Variants in ASXL2 observed in about 807,000 individuals in gnomAD.
ASXL2 encodes putative Polycomb group protein ASXL2.
A neutral mutation model predicts 122.0 loss-of-function variants in ASXL2; 23 were observed. The ratio of observed to expected loss-of-function variants is 0.19; its 90% CI spans 0.14 to 0.27. The LOEUF (loss-of-function observed/expected upper bound fraction) is 0.27. Among genes scored for constraint, ASXL2 ranks in the 10% least tolerant of loss-of-function variants. The pLI is 1.00. For missense variants in ASXL2, 1,518 were observed against 1,713.8 expected, an observed-to-expected ratio of 0.89 and a Z score of 2.02; for synonymous variants, 650 against 637.0, an observed-to-expected ratio of 1.02 and a Z score of -0.31.
At position 25,742,483 on chromosome 2, in the gene ASXL2, C is replaced by A; in HGVS notation, c.3854G>T (p.Ser1285Ile). 1 of 1,613,754 alleles carries A rather than the reference C, an allele frequency of 6.2e-7. No individual in the cohort carries two copies. The highest frequency in any genetic ancestry group is 1.7e-5 in the Admixed American group (1 of 60,002). ...HAVRGKAIRS[S>I]PELFSSTVLP... Reference sequence around the variant, plus strand: ...AACAGTAGAACTGAAAAGCTCGGGGCTGCTACGGATTGCCTTACCTCTCAC... The same window carrying A: ...AACAGTAGAACTGAAAAGCTCGGGGATGCTACGGATTGCCTTACCTCTCAC... The change falls in exon 13 of 13, where the codon AGC (serine) becomes ATC (isoleucine). Residue 1285 changes from serine (S) to isoleucine (I), a missense_variant. By Grantham distance (142) the Ser-to-Ile change is moderately radical (BLOSUM62 -2). Around this residue, in one of 8 missense-constraint regions of ASXL2, gnomAD observed 831 missense variants for 833.1 expected, o/e 1.00. Coordinates refer to ENST00000435504, the MANE Select transcript of ASXL2 (RefSeq NM_018263.6).
At chr2:25,774,056 T>A (rs1168924789) in intron 5 of ASXL2, among the ~76,000 whole-genome samples, 3 of 151,644 alleles carry the variant, frequency 2.0e-5, no homozygotes, top group Non-Finnish European at 2.9e-5. Context: ...TATATATATA[T>A]AATTCATATA....
intron 3 of ASXL2, among the ~76,000 whole-genome samples, chr2:25,812,501 C>T (rs891932534): frequency 2.6e-5 from 4 of 152,070 alleles, no homozygotes; most frequent in African/African-American, 9.7e-5. Flanking sequence ...TTGATAAAAT[C>T]CATTGCTGAC....
intron 1 of ASXL2, among the ~76,000 whole-genome samples, chr2:25,873,749 AT>A (rs796848014): frequency 4.8e-4 from 70 of 146,150 alleles, no homozygotes; most frequent in Non-Finnish European, 4.7e-4. Flanking sequence ...TGTTTCTCAT[AT>A]TTTTTTTTTT....
chr2:25,818,024 C>T (rs1574431652), intron 3 of ASXL2, among the ~76,000 whole-genome samples: 1 of 152,196 alleles, frequency 6.6e-6, no homozygotes, highest in African/African-American at 2.4e-5. Context: ...TAGCTCTTCA[C>T]TTAAAACACA....
At chr2:25,865,877 G>A (rs1159629593) in intron 1 of ASXL2, among the ~76,000 whole-genome samples, 2 of 151,250 alleles carry the variant, frequency 1.3e-5, no homozygotes, top group Non-Finnish European at 2.9e-5. Flanking sequence ...CATCACAATG[G>A]TCTTAACTCC....
At chr2:25,808,449 AGCCTCCCATGTAGCTGGGATT>A (rs1437994992) in intron 3 of ASXL2, among the ~76,000 whole-genome samples, 1 of 152,168 alleles carries the variant, frequency 6.6e-6, no homozygotes, top group Non-Finnish European at 1.5e-5. Flanking sequence ...TCTCATGCTC[AGCCTCCCATGTAGCTGGGATT>A]GCAGATGCCT....
At chr2:25,830,832 T>G (rs948307833) in intron 3 of ASXL2, 1 of 151,358 alleles carries the variant, frequency 6.6e-6, no homozygotes, top group Non-Finnish European at 1.5e-5. Context: ...AGTAAGAGAG[T>G]GGAGACAACA....
chr2:25,812,886 A>G (rs1305776152), intron 3 of ASXL2, among the ~76,000 whole-genome samples: 2 of 152,224 alleles, frequency 1.3e-5, no homozygotes, highest in Non-Finnish European at 2.9e-5. Context: ...TTTAGTCCTC[A>G]CAACAATCTA....
At chr2:25,751,788 C>CT (rs796171724) in intron 11 of ASXL2, among the ~76,000 whole-genome samples, 94 of 147,182 alleles carry the variant, frequency 6.4e-4, no homozygotes, top group African/African-American at 1.2e-3. Context: ...TTATAGAACT[C>CT]TTTTTTTTTT....
rs536348258 is a variant in ASXL2 at position 25,862,441 on chromosome 2, A to C, written c.57+15725T>G. ...TCTCCAACCACTTAATCCATCTTTAATACATTAGACGGCCAAGATCTAAAT... is the reference window on the plus strand; with the variant it reads ...TCTCCAACCACTTAATCCATCTTTACTACATTAGACGGCCAAGATCTAAAT... On this transcript the variant is annotated intron_variant, in intron 1 of 12. Coordinates refer to ENST00000435504, the MANE Select transcript of ASXL2 (RefSeq NM_018263.6). Among the ~76,000 whole-genome samples, 3 of 152,356 alleles carry C rather than the reference A, an allele frequency of 2.0e-5. No homozygotes were observed. The South Asian group carries it at 6.2e-4, about 32-fold the overall frequency.
Position 25,736,941 on chromosome 2 carries a change from T to C in ASXL2, c.*5088A>G, listed in dbSNP as rs1245427082. On this transcript the variant is annotated 3_prime_UTR_variant, in exon 13 of 13. Transcript: ENST00000435504. ...CATATCCTAAAATCAAGTATTTACT[T>C]TGCAGCCACAAAATGAGTTCTCGTG... 6.6e-6 allele frequency: 1 copy of C among 152,190 alleles called. No individual in the cohort carries two copies. Among genetic ancestry groups the C allele is most frequent in the Non-Finnish European group, 1.5e-5 (1 of 68,036 alleles). 9.4% of individuals were successfully genotyped at this position (152,190 alleles called of 1,614,324 possible). A position where few individuals can be genotyped will look rare whatever the true frequency, so the allele number is the denominator to read the frequency against.
intron 1 of ASXL2, among the ~76,000 whole-genome samples, chr2:25,857,530 C>G (rs915303093): frequency 6.6e-6 from 1 of 152,182 alleles, no homozygotes; most frequent in South Asian, 2.1e-4. Context: ...CCTCATCATT[C>G]CTAGACTAAG....
intron 5 of ASXL2, among the ~76,000 whole-genome samples, chr2:25,774,042 A>AATAT (rs932073501): frequency 1.3e-5 from 2 of 150,868 alleles, no homozygotes; most frequent in African/African-American, 2.4e-5. Context: ...AAGAAAAAAT[A>AATAT]ATATATATAT....
chr2:25,855,933 G>A (rs1477803199), intron 1 of ASXL2, among the ~76,000 whole-genome samples: 13 of 143,922 alleles, frequency 9.0e-5, no homozygotes, highest in Non-Finnish European at 2.0e-4. Flanking sequence ...TCGCTCTGTC[G>A]GCCAGGCTGC....
intron 2 of ASXL2, among the ~76,000 whole-genome samples, chr2:25,843,758 T>C (rs1000978416): frequency 7.0e-6 from 1 of 142,054 alleles, no homozygotes; most frequent in African/African-American, 2.7e-5. Context: ...ACCATGATCA[T>C]GGCTGTGAAC....
At chr2:25,793,519 C>T (rs2149168379) in intron 5 of ASXL2, among the ~76,000 whole-genome samples, 1 of 152,080 alleles carries the variant, frequency 6.6e-6, no homozygotes, top group African/African-American at 2.4e-5. Flanking sequence ...TTATTTTCTC[C>T]CAAAGACATT....
intron 3 of ASXL2, among the ~76,000 whole-genome samples, chr2:25,832,898 AG>A (rs1251883082): frequency 3.3e-5 from 5 of 152,240 alleles, no homozygotes; most frequent in Non-Finnish European, 5.9e-5. Flanking sequence ...AGGACTCTCC[AG>A]AGACATACAA....
rs755005360 is a variant in ASXL2, at chr2:25,749,817, C to T, written c.1739G>A (p.Ser580Asn). The T allele has an allele frequency of 1.9e-6, 3 of 1,610,368 alleles. No homozygotes were observed. Among genetic ancestry groups the T allele is most frequent in the Non-Finnish European group, 1.7e-6 (2 of 1,178,918 alleles). ...AGTGACACGTGGCCTCTTCTCCCAG[C>T]TCACAGGGGCCTCTTCTTGGGTGAG... Reference protein sequence around the residue: ...SSLTQEEAPVSWEKRPRVTEN... With the variant: ...SSLTQEEAPVNWEKRPRVTEN... Residue 580 changes from serine to asparagine, a missense_variant, in exon 12 of 13, where the codon AGC becomes AAC. By Grantham distance (46) the Ser-to-Asn change is conservative. Coordinates refer to ENST00000435504, the MANE Select transcript of ASXL2 (RefSeq NM_018263.6).
Position 25,862,636 on chromosome 2 carries a change from G to A in ASXL2, c.57+15530C>T, listed in dbSNP as rs536609014. Among the ~76,000 whole-genome samples the A allele has an allele frequency of 3.0e-4, 46 of 152,340 alleles. No homozygotes were observed. The South Asian group carries it at 9.1e-3, about 30-fold the overall frequency. On this transcript the variant is annotated intron_variant, in intron 1 of 12. Transcript: ENST00000435504. ...GTTTTTTGAGACAGAATCCCGCTCT[G>A]TCGGCCAGGCTGGAGTGCAGTGGCA...
Sources: gnomAD v4.1 joint callset for allele counts (sites outside exome capture counted in the v4.1 genomes callset) on GRCh38, gnomAD v4.1.1 for gene constraint, gnomAD v4.1.1 regional missense constraint, MANE v1.5 for transcripts, NCBI Gene and HGNC (gene_info 2026-07-23, HGNC 2026-07-21) for gene names.